C16orf89: variants seen among roughly 807,000 people sequenced by gnomAD.
C16orf89 encodes chromosome 16 open reading frame 89, also known as UPF0764 protein C16orf89.
A neutral mutation model predicts 41.5 loss-of-function variants in C16orf89; 57 were observed. The ratio of observed to expected loss-of-function variants is 1.38; its 90% confidence interval spans 1.11 to 1.71. The LOEUF is 1.71. Among genes scored for constraint, C16orf89 ranks in the 40% most tolerant of loss-of-function variants. C16orf89 has a pLI of 0.00. For synonymous variants in C16orf89, 223 were observed against 190.6 expected (o/e 1.17, Z -1.40); for missense variants, 575 against 445.9 (o/e 1.29, Z -2.61).
intron 7 of C16orf89, 127 bp downstream of exon 7, chr16:5,047,751 C>T (rs1956325145): frequency 1.5e-6 from 1 of 683,080 alleles, no homozygotes; most frequent in African/African-American, 1.8e-5. Context: ...ACATGAAGGC[C>T]CTCTGATTAG....
At chr16:5,065,567 C>T (rs1956722661) in intron 1 of C16orf89, 134 bp downstream of exon 1, 8 of 1,095,304 alleles carry the variant, frequency 7.3e-6, no homozygotes, top group Admixed American at 2.8e-5. Flanking sequence ...CCCTGGCCTC[C>T]TCTCTCCTTA....
intron 6 of C16orf89, among the ~76,000 whole-genome samples, chr16:5,050,044 A>G (rs1162434180): frequency 6.6e-6 from 1 of 152,212 alleles, no homozygotes; most frequent in Non-Finnish European, 1.5e-5. Flanking sequence ...AAGGATCATT[A>G]GAGACTATTA....
chr16:5,061,443 AAAAAAAAAAAAAAAAAG>A (rs1258161628), intron 2 of C16orf89, among the ~76,000 whole-genome samples: 1 of 88,682 alleles, frequency 1.1e-5, no homozygotes, highest in Non-Finnish European at 2.7e-5. Flanking sequence ...AAAAAAAAAA[AAAAAAAAAAAAAAAAAG>A]AGAGACAGAG....
intron 7 of C16orf89, among the ~76,000 whole-genome samples, chr16:5,046,416 A>G (rs1017078528): frequency 2.6e-5 from 4 of 152,032 alleles, no homozygotes; most frequent in Non-Finnish European, 5.9e-5. Flanking sequence ...CAGTGGCACA[A>G]TCTCAGCTCA....
chr16:5,057,690 G>A (rs1215088017), intron 4 of C16orf89, among the ~76,000 whole-genome samples: 3 of 151,364 alleles, frequency 2.0e-5, no homozygotes, highest in Non-Finnish European at 2.9e-5. Flanking sequence ...CACTATGCCC[G>A]ACTAATTTTT....
chr16:5,061,584 C>G (rs531522574), intron 2 of C16orf89, among the ~76,000 whole-genome samples: 1 of 147,468 alleles, frequency 6.8e-6, no homozygotes, highest in Admixed American at 6.8e-5. Flanking sequence ...TTGGTGAGAA[C>G]GTGGAGCTCT....
At position 5,062,564 on chromosome 16, in the gene C16orf89, T is replaced by A. The variant is rs1419157563; in HGVS notation, c.219A>T (p.Lys73Asn). The A allele has an allele frequency of 1.9e-6, 3 of 1,610,168 alleles. No homozygotes were observed. The highest frequency in any genetic ancestry group is 3.4e-5 in the Admixed American group (2 of 59,172). ...CCTGGGCCCACTTCTCCCGGACACT[T>A]TTTAGCTGCTCTGGAAGGGAACAGA... ...VGVRVLEEQL[K>N]SVREKWAQEP... The change falls in exon 2 of 8, where the codon AAA (lysine) becomes AAT (asparagine). Residue 73 changes from lysine (K) to asparagine (N), a missense_variant. Physicochemically the swap from Lys to Asn is moderately conservative, Grantham distance 94. Transcript: ENST00000472572.
chr16:5,061,558 T>C lies in C16orf89; in HGVS notation c.358+867A>G, dbSNP rs193293921. 4.5e-3 allele frequency among the ~76,000 whole-genome samples: 668 copies of C among 147,356 alleles called. 1 individual carries two copies. Among genetic ancestry groups the C allele is most frequent in the Non-Finnish European group, 6.3e-3 (424 of 67,514 alleles). ...GGTGGAATTAGTGGGGAGGTGATATTGGTAGACCTTTTGGTTTGGTGAGAA... is the reference window on the plus strand; with the variant it reads ...GGTGGAATTAGTGGGGAGGTGATATCGGTAGACCTTTTGGTTTGGTGAGAA... On this transcript the variant is annotated intron_variant, in intron 2 of 7. Coordinates refer to ENST00000472572, the MANE Select transcript of C16orf89 (RefSeq NM_001098514.3).
At chr16:5,045,493 T>A (rs188825854) in intron 7 of C16orf89, among the ~76,000 whole-genome samples, 35 of 152,248 alleles carry the variant, frequency 2.3e-4, no homozygotes, top group Non-Finnish European at 4.4e-5. Context: ...CAGGAATTCT[T>A]TCCTCCCTAC....
chr16:5,050,265 G>T (rs781518644), intron 6 of C16orf89, among the ~76,000 whole-genome samples: 3 of 152,108 alleles, frequency 2.0e-5, no homozygotes, highest in Non-Finnish European at 4.4e-5. Flanking sequence ...CTACTTGGGA[G>T]GCTGAGGCAG....
At chr16:5,051,290 T>C (rs8046702) in intron 6 of C16orf89, among the ~76,000 whole-genome samples, 3,811 of 152,232 alleles carry the variant, frequency 0.025, 143 homozygotes, top group African/African-American at 0.087. Context: ...CATGATCTGA[T>C]AGACAGGAAA....
Position 5,048,073 on chromosome 16 carries a change from G to A in C16orf89, c.869-109C>T, listed in dbSNP as rs570000990. Reference sequence around the variant, plus strand: ...AGACAGGGTCTCATTCTATTGGCCAGGCTGGGTGCAGTAACGCAATCATAG... The same window carrying A: ...AGACAGGGTCTCATTCTATTGGCCAAGCTGGGTGCAGTAACGCAATCATAG... On this transcript the variant is annotated intron_variant, in intron 6 of 7. Transcript: ENST00000472572. The A allele has an allele frequency of 3.3e-4, 217 of 666,478 alleles. 1 individual carries two copies. In the African/African-American group the frequency reaches 3.6e-3, roughly 11 times the overall value. The allele number at this position is 666,478 out of a possible 1,614,324, so 41.3% of individuals were successfully genotyped here.
At chr16:5,063,557 C>T (rs1009865024) in intron 1 of C16orf89, among the ~76,000 whole-genome samples, 4 of 152,194 alleles carry the variant, frequency 2.6e-5, no homozygotes, top group Non-Finnish European at 5.9e-5. Flanking sequence ...TTTACAGCCA[C>T]TCCCCATCAT....
intron 6 of C16orf89, among the ~76,000 whole-genome samples, chr16:5,051,147 C>G (rs1202607934): frequency 6.6e-6 from 1 of 152,132 alleles, no homozygotes; most frequent in Non-Finnish European, 1.5e-5. Flanking sequence ...TGGAACAACA[C>G]AAGAGTGCCT....
intron 2 of C16orf89, among the ~76,000 whole-genome samples, chr16:5,061,635 C>T (rs1169270412): frequency 6.6e-6 from 1 of 151,772 alleles, no homozygotes; most frequent in Non-Finnish European, 1.5e-5. Flanking sequence ...TTTAAGATGA[C>T]ATAGGTGGGG....
chr16:5,049,647 T>G lies in C16orf89; in HGVS notation c.869-1683A>C, dbSNP rs559501855. Among the ~76,000 whole-genome samples, 6 of 152,260 alleles carry G rather than the reference T, an allele frequency of 3.9e-5. No homozygotes were observed. In the East Asian group the frequency reaches 1.2e-3, roughly 29 times the overall value. Reference sequence around the variant, plus strand: ...TTAAGATGAACATTTAAAAATTTCTTAACACAAGTGAAAATAGAAACACAA... The same window carrying G: ...TTAAGATGAACATTTAAAAATTTCTGAACACAAGTGAAAATAGAAACACAA... On this transcript the variant is annotated intron_variant, in intron 6 of 7. Transcript: ENST00000472572.
Position 5,048,138 on chromosome 16 carries a change from C to G in C16orf89, c.869-174G>C, listed in dbSNP as rs77595567. Among the ~76,000 whole-genome samples the G allele has an allele frequency of 3.5e-3, 534 of 152,260 alleles. 9 individuals carry two copies. Among genetic ancestry groups the G allele is most frequent in the African/African-American group, 0.012 (513 of 41,552 alleles). On this transcript the variant is annotated intron_variant, in intron 6 of 7. Transcript: ENST00000472572. ...GAACTCCCAAGCTCACAGAATCCTT[C>G]CTGCCTCAGCCTACCAAGTAGCTCG...
At chr16:5,044,063 C>T, downstream of C16orf89, 1 of 975,030 alleles carries the variant, frequency 1.0e-6, no homozygotes, top group Non-Finnish European at 1.3e-6. Context: ...AGAGTTGAAA[C>T]AGACCAAGAG....
chr16:5,057,479 G>GTA (rs201244784), intron 4 of C16orf89, among the ~76,000 whole-genome samples: 3,772 of 144,660 alleles, frequency 0.026, 137 homozygotes, highest in East Asian at 0.19. Flanking sequence ...TGGTGTGTGT[G>GTA]TATATATATA....
Sources: gnomAD v4.1 joint callset for allele counts (sites outside exome capture counted in the v4.1 genomes callset) on GRCh38, gnomAD v4.1.1 for gene constraint, MANE v1.5 for transcripts, NCBI Gene and HGNC (gene_info 2026-07-23, HGNC 2026-07-21) for gene names.